DAAM1: variants seen among roughly 807,000 people sequenced by gnomAD.
The protein encoded by DAAM1 is disheveled-associated activator of morphogenesis 1.
In DAAM1, 52 loss-of-function variants were observed where a neutral mutation model predicts 130.0. That is an observed-to-expected ratio of 0.40 (90% CI 0.32 to 0.50). The LOEUF (loss-of-function observed/expected upper bound fraction) is 0.50. Ranked by LOEUF, DAAM1 falls within the 20% of genes least tolerant of loss-of-function variation. The pLI is 0.61. For synonymous variants in DAAM1, 452 were observed against 444.5 expected (o/e 1.02, Z -0.21); for missense variants, 1,134 against 1,303.8 (o/e 0.87, Z 2.01).
intron 2 of DAAM1, among the ~76,000 whole-genome samples, chr14:59,278,606 TA>T (rs1345473646): frequency 1.3e-5 from 2 of 152,138 alleles, no homozygotes; most frequent in African/African-American, 2.4e-5. Context: ...GAGTCAGTAT[TA>T]GGGGGAAAAA....
chr14:59,227,760 T>G (rs1328574969), intron 1 of DAAM1, among the ~76,000 whole-genome samples: 1 of 152,166 alleles, frequency 6.6e-6, no homozygotes, highest in Non-Finnish European at 1.5e-5. Context: ...TAGGTTGTGT[T>G]TCCATCAGTG....
intron 1 of DAAM1, among the ~76,000 whole-genome samples, chr14:59,244,116 G>T (rs1190993672): frequency 2.0e-5 from 3 of 152,102 alleles, no homozygotes; most frequent in Non-Finnish European, 2.9e-5. Flanking sequence ...AATCATGGGG[G>T]TGATTTCCGC....
intron 4 of DAAM1, among the ~76,000 whole-genome samples, chr14:59,316,440 A>G (rs1884800193): frequency 6.6e-6 from 1 of 152,146 alleles, no homozygotes; most frequent in Admixed American, 6.5e-5. Context: ...TTCTTACAAG[A>G]TGCTTCTTCT....
intron 1 of DAAM1, among the ~76,000 whole-genome samples, chr14:59,238,345 C>A (rs1341908385): frequency 1.3e-4 from 20 of 152,130 alleles, no homozygotes; most frequent in Admixed American, 1.3e-3. Context: ...TTGGAAGTGC[C>A]CTTATGTCCT....
At chr14:59,279,818 ATATTCT>A (rs1454045356) in intron 2 of DAAM1, among the ~76,000 whole-genome samples, 1 of 152,222 alleles carries the variant, frequency 6.6e-6, no homozygotes, top group Non-Finnish European at 1.5e-5. Context: ...GCTAGGAGAA[ATATTCT>A]TAATATATAC....
chr14:59,355,171 G>T lies in DAAM1; in HGVS notation c.2363G>T (p.Arg788Leu). 1 of 1,607,722 alleles carries T rather than the reference G, an allele frequency of 6.2e-7. No individual in the cohort carries two copies. Among genetic ancestry groups the T allele is most frequent in the South Asian group, 1.1e-5 (1 of 90,190 alleles). ...TATGTGTTTTGTTTTGAAGCAATTC[G>T]TTCTGGCTCAGAAGAGGTGTTTAGG... is the stretch of plus-strand genomic sequence containing the variant. ...AEVKPKVEAI[R>L]SGSEEVFRSG... The change falls in exon 20 of 25, where the codon CGT (arginine) becomes CTT (leucine). Residue 788 changes from arginine to leucine, a missense_variant. By Grantham distance (102) the Arg-to-Leu change is moderately radical. Around this residue, in one of 3 missense-constraint regions of DAAM1, gnomAD observed 644 missense variants for 695.9 expected, o/e 0.93. Transcript: ENST00000360909.
chr14:59,321,568 T>A (rs529288788), intron 5 of DAAM1, among the ~76,000 whole-genome samples: 10 of 152,348 alleles, frequency 6.6e-5, no homozygotes, highest in African/African-American at 2.2e-4. Context: ...CTTTAATGCC[T>A]CTAGGATTTG....
rs779316777 is a variant in DAAM1 at position 59,324,168 on chromosome 14, G to A, written c.815G>A (p.Arg272Gln). 11 of 1,451,830 alleles carry A rather than the reference G, an allele frequency of 7.6e-6. No individual in the cohort carries two copies. The highest frequency in any genetic ancestry group is 5.2e-5 in the South Asian group (3 of 57,534). 89.9% of individuals were successfully genotyped at this position (1,451,830 alleles called of 1,614,324 possible). The change falls in exon 7 of 25, where the codon CGA (arginine) becomes CAA (glutamine). Residue 272 changes from arginine to glutamine, a missense_variant. Arg to Gln is a conservative substitution (Grantham distance 43). Transcript: ENST00000360909. ...TTGGATAAAAGCACTGGGCGGTATC[G>A]AGATGAAGTGAGTCTCAAGACTGCC... ...NDLDKSTGRY[R>Q]DEVSLKTAIM...
rs116229641 is a variant in DAAM1 at position 59,296,614 on chromosome 14, T to C, written c.273+5308T>C. On this transcript the variant is annotated intron_variant, in intron 3 of 24. Transcript: ENST00000360909. ...GGCACAGAGGAAGGAGAAACCAACC[T>C]CTAGGAGTGTGTGTGTTTGACTGAG... 3.9e-3 allele frequency among the ~76,000 whole-genome samples: 594 copies of C among 152,230 alleles called. 10 individuals are homozygous for C. The highest frequency in any genetic ancestry group is 0.014 in the African/African-American group (572 of 41,532).
intron 23 of DAAM1, among the ~76,000 whole-genome samples, chr14:59,365,877 C>T (rs1159330718): frequency 2.6e-5 from 4 of 151,682 alleles, no homozygotes; most frequent in Non-Finnish European, 2.9e-5. Flanking sequence ...AACATTAGAT[C>T]CTTACAGAAG....
chr14:59,354,312 G>A (rs994583800), intron 19 of DAAM1, among the ~76,000 whole-genome samples: 3 of 152,126 alleles, frequency 2.0e-5, no homozygotes, highest in African/African-American at 7.2e-5. Context: ...TGCCCACCTT[G>A]GCCTCCCAAA....
chr14:59,368,089 A>G (rs758057281), intron 24 of DAAM1, among the ~76,000 whole-genome samples: 5 of 152,198 alleles, frequency 3.3e-5, no homozygotes, highest in Non-Finnish European at 5.9e-5. Flanking sequence ...AGAAAATAAT[A>G]GTGGTGTGAT....
At chr14:59,214,448 C>T (rs191048335) in intron 1 of DAAM1, among the ~76,000 whole-genome samples, 27 of 152,284 alleles carry the variant, frequency 1.8e-4, no homozygotes, top group African/African-American at 6.5e-4. Context: ...GTGGAAAAGC[C>T]AGATGTCTCA....
chr14:59,226,337 A>G (rs1181134068), intron 1 of DAAM1, among the ~76,000 whole-genome samples: 1 of 152,146 alleles, frequency 6.6e-6, no homozygotes, highest in Non-Finnish European at 1.5e-5. Flanking sequence ...TATCAGAATT[A>G]TTTTGGTTGC....
Position 59,370,470 on chromosome 14 carries a change from A to G in DAAM1, c.*1611A>G, listed in dbSNP as rs1243005031. On this transcript the variant is annotated 3_prime_UTR_variant, in exon 25 of 25. Coordinates refer to ENST00000360909, the MANE Select transcript of DAAM1 (RefSeq NM_001270520.2). Reference sequence around the variant, plus strand: ...CCAATGTGTGCACTGTACAGGAATCATACTATTTAAAAATAATTTGTATAA... The same window carrying G: ...CCAATGTGTGCACTGTACAGGAATCGTACTATTTAAAAATAATTTGTATAA... 6.6e-6 allele frequency: 1 copy of G among 152,152 alleles called. No individual in the cohort carries two copies. The highest frequency in any genetic ancestry group is 1.5e-5 in the Non-Finnish European group (1 of 68,016). 9.4% of individuals were successfully genotyped at this position (152,152 alleles called of 1,614,324 possible). A position where few individuals can be genotyped will look rare whatever the true frequency, so the allele number is the denominator to read the frequency against.
chr14:59,348,581 G>A (rs1483983024), intron 17 of DAAM1, among the ~76,000 whole-genome samples: 1 of 152,172 alleles, frequency 6.6e-6, no homozygotes, highest in Non-Finnish European at 1.5e-5. Context: ...TTAGAGCCAG[G>A]TCTACCTAAG....
At chr14:59,256,783 A>G (rs1881908718) in intron 1 of DAAM1, among the ~76,000 whole-genome samples, 1 of 152,200 alleles carries the variant, frequency 6.6e-6, no homozygotes, top group Admixed American at 6.5e-5. Context: ...GTATGTCTGC[A>G]CTAGACTATG....
intron 1 of DAAM1, among the ~76,000 whole-genome samples, chr14:59,202,789 A>G (rs1050415437): frequency 6.6e-6 from 1 of 152,190 alleles, no homozygotes; most frequent in South Asian, 2.1e-4. Context: ...AATGTTTACA[A>G]CATGAGTTAT....
intron 1 of DAAM1, among the ~76,000 whole-genome samples, chr14:59,190,048 C>T (rs979422799): frequency 6.6e-6 from 1 of 152,146 alleles, no homozygotes; most frequent in African/African-American, 2.4e-5. Context: ...CGACTCCTGC[C>T]TTCGGAATCT....
Sources: gnomAD v4.1 joint callset for allele counts (sites outside exome capture counted in the v4.1 genomes callset) on GRCh38, gnomAD v4.1.1 for gene constraint, gnomAD v4.1.1 regional missense constraint, MANE v1.5 for transcripts, NCBI Gene and HGNC (gene_info 2026-07-23, HGNC 2026-07-21) for gene names.